The following NFIA variants were observed in gnomAD, a reference collection of about 807,000 sequenced individuals.
The protein encoded by NFIA is nuclear factor 1 A-type.
Under a neutral mutation model 62.8 loss-of-function variants are expected in NFIA, and 8 were observed. The ratio of observed to expected loss-of-function variants is 0.13; its 90% confidence interval spans 0.07 to 0.23. NFIA has a LOEUF of 0.23. Ranked by LOEUF, NFIA falls within the 10% of genes least tolerant of loss-of-function variation. The probability of loss-of-function intolerance (pLI) is 1.00; values close to 1 mark genes in which losing one functional copy is unlikely to be tolerated. For synonymous variants in NFIA, 235 were observed against 238.1 expected, an observed-to-expected ratio of 0.99 and a Z score of 0.12; for missense variants, 410 against 642.1, an observed-to-expected ratio of 0.64 and a Z score of 3.91.
chr1:61,328,104 A>AT (rs59499733), intron 3 of NFIA, among the ~76,000 whole-genome samples: 82,556 of 148,174 alleles, frequency 0.56, 23,375 homozygotes, highest in South Asian at 0.7. Context: ...TTTTGCTGGG[A>AT]TTTTTTTTTT....
intron 2 of NFIA, among the ~76,000 whole-genome samples, chr1:61,260,555 G>C (rs1233257551): frequency 1.3e-5 from 2 of 152,206 alleles, no homozygotes; most frequent in Non-Finnish European, 2.9e-5. Flanking sequence ...GATATGCTGA[G>C]TAAATGATTA....
chr1:61,426,560 G>A lies in NFIA; in HGVS notation c.1512+4G>A. ...AAATATCCCTCAACAGACACAGGTG[G>A]GCCGCTCTCATCTTTTCTGTATGTG... On this transcript the variant is annotated splice_donor_region_variant and intron_variant, in intron 10 of 10. Transcript: ENST00000403491. 2 of 1,547,888 alleles carry A rather than the reference G, an allele frequency of 1.3e-6. No homozygotes were observed. The highest frequency in any genetic ancestry group is 1.4e-5 in the African/African-American group (1 of 73,032).
At chr1:61,320,493 T>G (rs548331024) in intron 3 of NFIA, among the ~76,000 whole-genome samples, 1 of 152,202 alleles carries the variant, frequency 6.6e-6, no homozygotes, top group African/African-American at 2.4e-5. Flanking sequence ...CTAGTTTTAT[T>G]TTATATTTGG....
intron 3 of NFIA, among the ~76,000 whole-genome samples, chr1:61,285,112 G>T (rs1166764284): frequency 6.6e-6 from 1 of 152,174 alleles, no homozygotes; most frequent in Non-Finnish European, 1.5e-5. Flanking sequence ...TGCGGTAGAA[G>T]GTGCACCTGG....
intron 2 of NFIA, among the ~76,000 whole-genome samples, chr1:61,255,672 G>A (rs768715111): frequency 1.3e-5 from 2 of 152,164 alleles, no homozygotes; most frequent in Non-Finnish European, 2.9e-5. Context: ...AGTGGAAATA[G>A]AACTAGGGTT....
chr1:61,136,018 G>C (rs1316833053), intron 2 of NFIA, among the ~76,000 whole-genome samples: 1 of 152,108 alleles, frequency 6.6e-6, no homozygotes, highest in African/African-American at 2.4e-5. Context: ...GTTGCTTATT[G>C]AAAGCATTGT....
intron 2 of NFIA, among the ~76,000 whole-genome samples, chr1:61,263,522 A>G (rs192714604): frequency 1.1e-4 from 17 of 152,300 alleles, no homozygotes; most frequent in Admixed American, 4.6e-4. Context: ...CCATGACCAA[A>G]ATGTTTGAAA....
At chr1:61,440,455 G>A (rs1335663759) in intron 10 of NFIA, among the ~76,000 whole-genome samples, 3 of 152,188 alleles carry the variant, frequency 2.0e-5, no homozygotes, top group Admixed American at 6.5e-5. Context: ...CATGGATGAA[G>A]GCCTCCTTTT....
upstream of NFIA, chr1:61,077,535 G>T: frequency 2.7e-6 from 3 of 1,118,344 alleles, no homozygotes; most frequent in Non-Finnish European, 3.6e-6. Flanking sequence ...AGTTTATTTA[G>T]ATATTTTTTA....
At chr1:61,322,674 C>T (rs2100371539) in intron 3 of NFIA, among the ~76,000 whole-genome samples, 1 of 149,532 alleles carries the variant, frequency 6.7e-6, no homozygotes, top group East Asian at 1.9e-4. Flanking sequence ...GTGTGACAAA[C>T]AGCAGACTCA....
intron 10 of NFIA, among the ~76,000 whole-genome samples, chr1:61,443,816 T>C (rs543609744): frequency 1.1e-3 from 170 of 152,324 alleles, no homozygotes; most frequent in Non-Finnish European, 2.0e-3. Context: ...CTGCTTTCTC[T>C]GAACTCCTTG....
At chr1:61,204,986 G>T (rs1313982706) in intron 2 of NFIA, among the ~76,000 whole-genome samples, 1 of 152,164 alleles carries the variant, frequency 6.6e-6, no homozygotes, top group Non-Finnish European at 1.5e-5. Flanking sequence ...TGTTGAGAAG[G>T]TTTAGCATAG....
intron 2 of NFIA, among the ~76,000 whole-genome samples, chr1:61,134,245 AGTGTGTGTGTGT>A (rs61677972): frequency 0.018 from 2,585 of 146,382 alleles, 34 homozygotes; most frequent in Middle Eastern, 0.073. Flanking sequence ...TGTGTGTGTG[AGTGTGTGTGTGT>A]GTGTGTGTGT....
At chr1:61,164,039 G>A (rs1649399762) in intron 2 of NFIA, among the ~76,000 whole-genome samples, 1 of 152,166 alleles carries the variant, frequency 6.6e-6, no homozygotes, top group African/African-American at 2.4e-5. Context: ...TGTATCTTGA[G>A]AATGCTGTTG....
chr1:61,144,888 A>C (rs1647813411), intron 2 of NFIA, among the ~76,000 whole-genome samples: 1 of 148,600 alleles, frequency 6.7e-6, no homozygotes, highest in Non-Finnish European at 1.5e-5. Context: ...TAGCAGAAGA[A>C]AAAAGAATAA....
intron 2 of NFIA, among the ~76,000 whole-genome samples, chr1:61,164,208 A>G (rs868468740): frequency 6.6e-6 from 1 of 151,816 alleles, no homozygotes; most frequent in African/African-American, 2.4e-5. Context: ...GACATGCTTC[A>G]TTTGTTGACT....
At chr1:61,139,272 G>A (rs1647319941) in intron 2 of NFIA, among the ~76,000 whole-genome samples, 2 of 152,116 alleles carry the variant, frequency 1.3e-5, no homozygotes, top group African/African-American at 4.8e-5. Flanking sequence ...GGATAAAAGT[G>A]GAGGAAAAAA....
chr1:61,436,750 G>A (rs1667346620), intron 10 of NFIA, among the ~76,000 whole-genome samples: 2 of 152,134 alleles, frequency 1.3e-5, no homozygotes, highest in African/African-American at 4.8e-5. Context: ...TATTGAGTCT[G>A]TTCATTGAGT....
chr1:61,101,884 G>A (rs1646518434), intron 2 of NFIA, among the ~76,000 whole-genome samples: 1 of 152,174 alleles, frequency 6.6e-6, no homozygotes, highest in Admixed American at 6.5e-5. Flanking sequence ...TGTGGATGGT[G>A]ATAGAAAATA....
Sources: gnomAD v4.1 joint callset for allele counts (sites outside exome capture counted in the v4.1 genomes callset) on GRCh38, gnomAD v4.1.1 for gene constraint, MANE v1.5 for transcripts, NCBI Gene and HGNC (gene_info 2026-07-23, HGNC 2026-07-21) for gene names.